TG: variants seen among roughly 807,000 people sequenced by gnomAD.
The protein encoded by TG is thyroid hormones.
Under a neutral mutation model 324.7 loss-of-function variants are expected in TG, and 270 were observed. The ratio of observed to expected loss-of-function variants is 0.83; its 90% CI spans 0.75 to 0.92. The LOEUF (loss-of-function observed/expected upper bound fraction) is 0.92, where lower values mean the gene tolerates loss of function less well. TG is among the 40% of genes least tolerant of loss of function. The probability of loss-of-function intolerance (pLI) is 0.00; values close to 1 mark genes in which losing one functional copy is unlikely to be tolerated. For synonymous variants in TG, 1,401 were observed against 1,327.0 expected (o/e 1.06, Z -1.21); for missense variants, 3,591 against 3,456.4 (o/e 1.04, Z -0.98).
At chr8:133,103,195 G>A (rs975320875) in intron 43 of TG, 1 of 153,648 alleles carries the variant, frequency 6.5e-6, no homozygotes, top group Non-Finnish European at 1.4e-5. Flanking sequence ...CACGATGTAG[G>A]AGAGTTGCTG....
chr8:132,958,322 A>G (rs1044839030), intron 27 of TG, among the ~76,000 whole-genome samples: 1 of 152,134 alleles, frequency 6.6e-6, no homozygotes, highest in Non-Finnish European at 1.5e-5. Context: ...CTCTCTCTAT[A>G]TGTATCTACA....
chr8:133,050,387 A>G (rs1840175252), intron 41 of TG: 3 of 283,220 alleles, frequency 1.1e-5, no homozygotes, highest in African/African-American at 2.1e-5. Flanking sequence ...AACTTCTGTC[A>G]TGTTCTATAG....
intron 29 of TG, 24 bp from the exon 30 acceptor site, chr8:132,966,536 G>C (rs1828592841): frequency 6.2e-7 from 1 of 1,613,724 alleles, no homozygotes; most frequent in African/African-American, 1.3e-5. Flanking sequence ...GGTGCAGGAA[G>C]TTGACTCCCT....
intron 2 of TG, among the ~76,000 whole-genome samples, chr8:132,868,884 T>C (rs576965388): frequency 2.0e-5 from 3 of 152,370 alleles, no homozygotes; most frequent in Non-Finnish European, 4.4e-5. Flanking sequence ...TTCCTTGTGC[T>C]ATTCCAGTCA....
intron 45 of TG, 133 bp downstream of exon 45, chr8:133,116,849 A>G (rs1382960696): frequency 1.0e-5 from 8 of 770,150 alleles, no homozygotes; most frequent in African/African-American, 1.7e-5. Flanking sequence ...TAATTGTAGT[A>G]GCCACTTCAT....
At chr8:132,965,988 A>C (rs1443914333) in intron 29 of TG, among the ~76,000 whole-genome samples, 1 of 152,180 alleles carries the variant, frequency 6.6e-6, no homozygotes, top group Non-Finnish European at 1.5e-5. Flanking sequence ...AGAGTCAGGG[A>C]ATGGTTGAGC....
chr8:133,013,623 C>T lies in TG; in HGVS notation c.6421C>T (p.Leu2141Phe), dbSNP rs1401886919. 1 of 1,614,188 alleles carries T rather than the reference C, an allele frequency of 6.2e-7. No homozygotes were observed. Among genetic ancestry groups the T allele is most frequent in the South Asian group, 1.1e-5 (1 of 91,086 alleles). Residue 2141 changes from leucine (L) to phenylalanine (F), a missense_variant, in exon 37 of 48, where the codon CTC becomes TTC. Leu to Phe is a conservative substitution (Grantham distance 22). Transcript: ENST00000220616. ...LSECSQHEAC[L>F]ITTLQTQPGA... is the part of the protein sequence containing the mutation. The stretch of plus-strand genomic sequence containing the variant: ...AGAATGTTCCCAACATGAGGCCTGT[C>T]TCATCACCACTCTGCAAACCCAACC...
rs764317793 is a variant in TG at position 133,129,541 on chromosome 8, G to A, written c.7863-2271G>A. Among the ~76,000 whole-genome samples, 6 of 152,108 alleles carry A rather than the reference G, an allele frequency of 3.9e-5. 1 individual carries two copies. The highest frequency in any genetic ancestry group is 8.8e-5 in the Non-Finnish European group (6 of 68,022). On this transcript the variant is annotated intron_variant, in intron 45 of 47. Coordinates refer to ENST00000220616, the MANE Select transcript of TG (RefSeq NM_003235.5). Reference sequence around the variant, plus strand: ...GACAGAGTATCACTTTGTCACCCAGGTTGGAGTGCAGTGGTACAATCGTGG... The same window carrying A: ...GACAGAGTATCACTTTGTCACCCAGATTGGAGTGCAGTGGTACAATCGTGG...
chr8:133,051,748 T>C (rs1840451649), intron 41 of TG, among the ~76,000 whole-genome samples: 2 of 152,328 alleles, frequency 1.3e-5, no homozygotes, highest in South Asian at 4.1e-4. Context: ...TTCAGATGCA[T>C]TAGATGCAGG....
At chr8:132,884,648 A>T (rs1201733974) in intron 8 of TG, among the ~76,000 whole-genome samples, 1 of 152,216 alleles carries the variant, frequency 6.6e-6, no homozygotes, top group Non-Finnish European at 1.5e-5. Context: ...TTTCATTTCT[A>T]CTAAAACCTA....
intron 41 of TG, among the ~76,000 whole-genome samples, chr8:133,058,060 A>G (rs1255768040): frequency 6.6e-6 from 1 of 152,214 alleles, no homozygotes; most frequent in Non-Finnish European, 1.5e-5. Flanking sequence ...GGGTAACCGG[A>G]TGAGCAGCCA....
intron 7 of TG, 75 bp downstream of exon 7, chr8:132,882,687 G>T: frequency 6.2e-7 from 1 of 1,612,994 alleles, no homozygotes; most frequent in East Asian, 2.2e-5. Flanking sequence ...TTGCTATGGT[G>T]TGTGTGGCTG....
At chr8:133,042,819 G>A (rs546144121) in intron 41 of TG, among the ~76,000 whole-genome samples, 209 of 148,714 alleles carry the variant, frequency 1.4e-3, no homozygotes, top group African/African-American at 5.0e-3. Flanking sequence ...TCAGCCTTCC[G>A]AATAGTTGGG....
intron 41 of TG, chr8:133,072,976 T>G (rs1283114518): frequency 6.6e-6 from 1 of 152,236 alleles, no homozygotes; most frequent in Non-Finnish European, 1.5e-5. Context: ...CTAGGAAATG[T>G]AAAAGGGATT....
At chr8:133,068,414 C>T (rs1311067275) in intron 41 of TG, among the ~76,000 whole-genome samples, 1 of 152,224 alleles carries the variant, frequency 6.6e-6, no homozygotes, top group Non-Finnish European at 1.5e-5. Flanking sequence ...TCCTAGTGTA[C>T]ATTTTAAGGT....
rs1163103737 is a variant in TG at position 132,869,761 on chromosome 8, G to A, written c.209G>A (p.Cys70Tyr). 6.2e-7 allele frequency: 1 copy of A among 1,614,188 alleles called. No homozygotes were observed. Among genetic ancestry groups the A allele is most frequent in the South Asian group, 1.1e-5 (1 of 91,076 alleles). The change falls in exon 3 of 48, where the codon TGC becomes TAC. Residue 70 changes from cysteine to tyrosine, a missense_variant. By Grantham distance (194) the Cys-to-Tyr change is radical. Coordinates refer to ENST00000220616, the MANE Select transcript of TG (RefSeq NM_003235.5). ...TVQCQNDGRS[C>Y]WCVGANGSEV... ...CAGTGCCAGAACGACGGCCGCTCCT[G>A]CTGGTGTGTGGGTGCCAACGGCAGT...
chr8:132,882,405 C>T, intron 6 of TG, 64 bp from the exon 7 acceptor site: 1 of 1,593,714 alleles, frequency 6.3e-7, no homozygotes, highest in Non-Finnish European at 8.6e-7. Flanking sequence ...TCTGTTTGCA[C>T]AACAAGGTCA....
chr8:132,965,062 T>C, intron 29 of TG: 1 of 645,296 alleles, frequency 1.5e-6, no homozygotes, highest in Non-Finnish European at 2.8e-6. Flanking sequence ...ATCTGTGATT[T>C]CCCTGAGCTC....
chr8:132,977,507 G>C (rs1830307589), intron 34 of TG, among the ~76,000 whole-genome samples: 1 of 152,036 alleles, frequency 6.6e-6, no homozygotes, highest in Admixed American at 6.6e-5. Context: ...ATAAAGACTG[G>C]TTAATTTACA....
Sources: allele counts gnomAD v4.1 joint callset (sites outside exome capture counted in the v4.1 genomes callset), GRCh38; gene constraint gnomAD v4.1.1; transcripts MANE v1.5; gene names NCBI Gene and HGNC (gene_info 2026-07-23, HGNC 2026-07-21).